Variants in HERC3 observed in about 807,000 individuals in gnomAD.
The protein encoded by HERC3 is HECT and RLD domain containing E3 ubiquitin protein ligase 3, also known as probable E3 ubiquitin-protein ligase HERC3.
In HERC3, 58 loss-of-function variants were observed where a neutral mutation model predicts 129.9. The ratio of observed to expected loss-of-function variants is 0.45; its 90% CI spans 0.36 to 0.56. The LOEUF is 0.56. Ranked by LOEUF, HERC3 falls within the 20% of genes least tolerant of loss-of-function variation. The pLI is 0.00. For missense variants in HERC3, 835 were observed against 1,244.2 expected, an observed-to-expected ratio of 0.67 and a Z score of 4.95; for synonymous variants, 430 against 451.0, an observed-to-expected ratio of 0.95 and a Z score of 0.59.
Position 88,687,233 on chromosome 4 carries a change from A to G in HERC3, c.2591A>G (p.Tyr864Cys), listed in dbSNP as rs374482273. 2.4e-5 allele frequency: 39 copies of G among 1,611,698 alleles called. No individual in the cohort carries two copies. The highest frequency in any genetic ancestry group is 3.3e-5 in the Non-Finnish European group (39 of 1,178,206). The change falls in exon 23 of 26, where the codon TAT becomes TGT. Residue 864 changes from tyrosine (Y) to cysteine (C), a missense_variant. Physicochemically the swap from Tyr to Cys is radical, Grantham distance 194. Coordinates refer to ENST00000402738, the MANE Select transcript of HERC3 (RefSeq NM_014606.3). ...CLNFTICRES[Y>C]GVIEQKKLIP... ...TAAATATAGATCTGCCGAGAAAGCT[A>G]TGGAGTGATTGAACAGAAGAAGCTG...
chr4:88,564,998 C>T, the HERC3 span, among the ~76,000 whole-genome samples: 1 of 152,016 alleles, frequency 6.6e-6, no homozygotes, highest in African/African-American at 2.4e-5. Context: ...TCTGGTCATT[C>T]AGGAGCATAT....
intron 10 of HERC3, among the ~76,000 whole-genome samples, chr4:88,661,208 A>G (rs1360841159): frequency 6.6e-6 from 1 of 152,234 alleles, no homozygotes; most frequent in African/African-American, 2.4e-5. Flanking sequence ...GTGGAAAGAC[A>G]ATCTCTGTGT....
chr4:88,554,207 G>A, the HERC3 span, among the ~76,000 whole-genome samples: 1 of 152,070 alleles, frequency 6.6e-6, no homozygotes. Context: ...TTAGCTGGGT[G>A]TCGTGGCATG....
intron 3 of HERC3, among the ~76,000 whole-genome samples, chr4:88,615,576 G>A (rs1444195873): frequency 2.0e-5 from 3 of 152,166 alleles, no homozygotes; most frequent in East Asian, 1.9e-4. Flanking sequence ...TATGGAGGCA[G>A]TATAATGAAT....
chr4:88,599,308 C>T (rs1455011707), intron 2 of HERC3, among the ~76,000 whole-genome samples: 3 of 151,254 alleles, frequency 2.0e-5, no homozygotes, highest in East Asian at 1.9e-4. Context: ...TGACCTAGGC[C>T]GTATTTATAG....
At chr4:88,549,319 T>TA in the HERC3 span, among the ~76,000 whole-genome samples, 156 of 139,864 alleles carry the variant, frequency 1.1e-3, no homozygotes, top group South Asian at 6.7e-3. Context: ...GTAACTTTTT[T>TA]TAAAAAAAAA....
At chr4:88,586,584 C>G in the HERC3 span, among the ~76,000 whole-genome samples, 1 of 152,090 alleles carries the variant, frequency 6.6e-6, no homozygotes, top group Admixed American at 6.6e-5. Flanking sequence ...GTCTCGAACT[C>G]CCAACCTCAG....
At chr4:88,549,895 G>A in the HERC3 span, among the ~76,000 whole-genome samples, 1 of 152,116 alleles carries the variant, frequency 6.6e-6, no homozygotes, top group East Asian at 1.9e-4. Flanking sequence ...CCAGCCTGCG[G>A]ATGTGACCAA....
intron 3 of HERC3, among the ~76,000 whole-genome samples, chr4:88,626,328 T>G (rs1294567393): frequency 6.6e-6 from 1 of 152,144 alleles, no homozygotes; most frequent in Non-Finnish European, 1.5e-5. Flanking sequence ...ACTACAGGTG[T>G]GCACCACTGT....
chr4:88,637,730 C>G (rs1464410905), intron 3 of HERC3, among the ~76,000 whole-genome samples: 3 of 151,926 alleles, frequency 2.0e-5, no homozygotes, highest in Non-Finnish European at 4.4e-5. Context: ...TAGCAGGAGA[C>G]AAGAAATAAC....
the HERC3 span, among the ~76,000 whole-genome samples, chr4:88,567,163 T>C: frequency 7.9e-5 from 12 of 152,312 alleles, no homozygotes; most frequent in African/African-American, 2.9e-4. Context: ...TTGTCAGATG[T>C]ATTGGAGCTC....
At chr4:88,589,979 C>T (rs1578119786), upstream of HERC3, among the ~76,000 whole-genome samples, 2 of 152,188 alleles carry the variant, frequency 1.3e-5, no homozygotes, top group South Asian at 2.1e-4. Context: ...ATGAAAAACA[C>T]TTGAGCCGGC....
intron 3 of HERC3, among the ~76,000 whole-genome samples, chr4:88,648,585 A>G (rs930186501): frequency 6.6e-6 from 1 of 152,158 alleles, no homozygotes; most frequent in Non-Finnish European, 1.5e-5. Context: ...TCTATTGTAT[A>G]TAAACATGTT....
chr4:88,613,809 C>G (rs2149208443), intron 3 of HERC3, among the ~76,000 whole-genome samples: 1 of 152,238 alleles, frequency 6.6e-6, no homozygotes, highest in South Asian at 2.1e-4. Context: ...GCTGTGCACC[C>G]CTTTCTGATT....
At chr4:88,544,666 AC>A in the HERC3 span, among the ~76,000 whole-genome samples, 1 of 152,182 alleles carries the variant, frequency 6.6e-6, no homozygotes, top group South Asian at 2.1e-4. Context: ...CTTGGAACCA[AC>A]CCAATTGTCC....
chr4:88,555,059 GC>G, the HERC3 span, among the ~76,000 whole-genome samples: 2 of 152,072 alleles, frequency 1.3e-5, no homozygotes, highest in Non-Finnish European at 2.9e-5. Context: ...GCCAAGGCAG[GC>G]AGATCATGAG....
intron 14 of HERC3, among the ~76,000 whole-genome samples, chr4:88,668,839 G>A (rs945449804): frequency 1.3e-5 from 2 of 152,060 alleles, no homozygotes; most frequent in Non-Finnish European, 2.9e-5. Context: ...TTTCTATATT[G>A]CCTCCACCTT....
At chr4:88,536,086 C>T in the HERC3 span, among the ~76,000 whole-genome samples, 1 of 152,104 alleles carries the variant, frequency 6.6e-6, no homozygotes, top group Non-Finnish European at 1.5e-5. Flanking sequence ...CAAAAGCTCC[C>T]AGATGATTTC....
At chr4:88,671,874 C>G (rs1216440960) in intron 16 of HERC3, among the ~76,000 whole-genome samples, 1 of 152,102 alleles carries the variant, frequency 6.6e-6, no homozygotes, top group African/African-American at 2.4e-5. Context: ...AATGGGCTGA[C>G]TTGGGAAATT....
Sources: allele counts gnomAD v4.1 joint callset (sites outside exome capture counted in the v4.1 genomes callset), GRCh38; gene constraint gnomAD v4.1.1; transcripts MANE v1.5; gene names NCBI Gene and HGNC (gene_info 2026-07-23, HGNC 2026-07-21).